Variants in ANXA13 observed in about 807,000 individuals in gnomAD.
ANXA13 encodes the protein annexin A13, also known as annexin XIII.
Under a neutral mutation model 46.6 loss-of-function variants are expected in ANXA13, and 36 were observed. The observed-to-expected ratio is 0.77, with a 90% CI of 0.59 to 1.02. The LOEUF (loss-of-function observed/expected upper bound fraction) is 1.02. Among genes scored for constraint, ANXA13 ranks in the 50% least tolerant of loss-of-function variants. The pLI is 0.00. For synonymous variants in ANXA13, 163 were observed against 152.9 expected, an observed-to-expected ratio of 1.07 and a Z score of -0.49; for missense variants, 417 against 396.5, an observed-to-expected ratio of 1.05 and a Z score of -0.44.
intron 1 of ANXA13, among the ~76,000 whole-genome samples, chr8:123,713,213 A>G (rs969137206): frequency 1.3e-5 from 2 of 152,222 alleles, no homozygotes; most frequent in African/African-American, 4.8e-5. Flanking sequence ...TTTGCCATCC[A>G]TACAATGAGA....
chr8:123,704,341 AG>A (rs1201950024), intron 2 of ANXA13, among the ~76,000 whole-genome samples: 4 of 152,122 alleles, frequency 2.6e-5, no homozygotes, highest in Non-Finnish European at 4.4e-5. Flanking sequence ...GGCACAATGC[AG>A]CACCTCTTCT....
chr8:123,697,787 C>T (rs1474643031), intron 4 of ANXA13, among the ~76,000 whole-genome samples: 1 of 152,200 alleles, frequency 6.6e-6, no homozygotes, highest in East Asian at 1.9e-4. Flanking sequence ...GTTCTCCTGG[C>T]TTCTGGAGCC....
chr8:123,712,508 C>T (rs1315712699), intron 2 of ANXA13, 170 bp downstream of exon 2: 4 of 629,442 alleles, frequency 6.4e-6, no homozygotes, highest in South Asian at 1.9e-5. Flanking sequence ...TAGGATCCTA[C>T]TGTAATTTTG....
rs1043353589 is a variant in ANXA13, at chr8:123,695,670, G to C, written c.391+18C>G. ...AAGAAACATACTTTATCCAAAGCCA[G>C]AATGAAAAGTCACTTACGCCTTTGG... On this transcript the variant is annotated intron_variant, in intron 5 of 10. Coordinates refer to ENST00000419625, the MANE Select transcript of ANXA13 (RefSeq NM_004306.4). The C allele has an allele frequency of 6.2e-7, 1 of 1,613,184 alleles. No individual in the cohort carries two copies. Among genetic ancestry groups the C allele is most frequent in the Non-Finnish European group, 8.5e-7 (1 of 1,179,282 alleles).
chr8:123,731,091 C>T (rs917179504), intron 1 of ANXA13, among the ~76,000 whole-genome samples: 4 of 152,184 alleles, frequency 2.6e-5, no homozygotes, highest in Admixed American at 1.3e-4. Flanking sequence ...ATCAGTTTCA[C>T]GTGGAAGGCT....
At chr8:123,695,304 T>C (rs78621248) in intron 6 of ANXA13, among the ~76,000 whole-genome samples, 198 bp downstream of exon 6, 8,299 of 152,226 alleles carry the variant, frequency 0.055, 592 homozygotes, top group African/African-American at 0.17. Context: ...ACTAGGCAGA[T>C]TGTTTATATG....
chr8:123,706,486 T>C (rs1813542662), intron 2 of ANXA13, among the ~76,000 whole-genome samples: 1 of 152,018 alleles, frequency 6.6e-6, no homozygotes, highest in South Asian at 2.1e-4. Context: ...GGCTGTCCCC[T>C]TTCCCTCACC....
chr8:123,704,879 CGACTTTCGCCCTTT>C (rs1563611770), intron 2 of ANXA13, among the ~76,000 whole-genome samples: 2 of 152,226 alleles, frequency 1.3e-5, no homozygotes. Context: ...CTTTCCCAGG[CGACTTTCGCCCTTT>C]GACTGATGAC....
chr8:123,696,412 G>A (rs112420524), intron 4 of ANXA13, among the ~76,000 whole-genome samples: 215 of 152,296 alleles, frequency 1.4e-3, no homozygotes, highest in African/African-American at 5.0e-3. Context: ...GACTGGCTGC[G>A]TGCAGGAGTG....
chr8:123,715,890 T>A (rs372888352), intron 1 of ANXA13, among the ~76,000 whole-genome samples: 1 of 152,114 alleles, frequency 6.6e-6, no homozygotes, highest in Non-Finnish European at 1.5e-5. Context: ...CATTCCATGA[T>A]ACAAATATCA....
rs558288974 is a variant in ANXA13, at chr8:123,699,076, C to T, written c.187-517G>A. Among the ~76,000 whole-genome samples the T allele has an allele frequency of 4.6e-4, 70 of 152,318 alleles. 1 individual carries two copies. Among genetic ancestry groups the T allele is most frequent in the African/African-American group, 1.4e-3 (57 of 41,558 alleles). On this transcript the variant is annotated intron_variant, in intron 3 of 10. Transcript: ENST00000419625. ...AAGAGGATTGTCATGGGAAGAACGA[C>T]GGCCTGTACCGTCACTTCCGTTATC...
At chr8:123,697,337 T>C (rs1323437719) in intron 4 of ANXA13, among the ~76,000 whole-genome samples, 3 of 152,172 alleles carry the variant, frequency 2.0e-5, no homozygotes, top group African/African-American at 7.2e-5. Context: ...GGAAGTTGTG[T>C]GCCTCTTGGC....
At chr8:123,717,847 G>A (rs1048967350) in intron 1 of ANXA13, among the ~76,000 whole-genome samples, 2 of 152,226 alleles carry the variant, frequency 1.3e-5, no homozygotes, top group African/African-American at 2.4e-5. Flanking sequence ...ACGTAACCAC[G>A]CCACGTGAGG....
intron 6 of ANXA13, 96 bp from the exon 7 acceptor site, chr8:123,693,875 T>A: frequency 9.5e-6 from 9 of 951,888 alleles, no homozygotes; most frequent in South Asian, 2.7e-5. Flanking sequence ...AAGAGGTGAA[T>A]TCTTTCTCAG....
chr8:123,713,905 G>T (rs925333559), intron 1 of ANXA13, among the ~76,000 whole-genome samples: 2 of 152,068 alleles, frequency 1.3e-5, no homozygotes, highest in African/African-American at 4.8e-5. Context: ...TGTTTCCCAG[G>T]CTGGTCTTGA....
chr8:123,735,777 C>G lies in ANXA13; in HGVS notation c.15+1543G>C, dbSNP rs202199207. ...TACAGGCTGTGGGGCCTCTGGCTCT[C>G]CATTCCGTGATGGGTGGCTGAGAGG... On this transcript the variant is annotated intron_variant, in intron 1 of 10. Coordinates refer to ENST00000419625, the MANE Select transcript of ANXA13 (RefSeq NM_004306.4). 132 of 1,611,946 alleles carry G rather than the reference C, an allele frequency of 8.2e-5. No homozygotes were observed. The highest frequency in any genetic ancestry group is 1.1e-4 in the Non-Finnish European group (125 of 1,179,006).
At chr8:123,731,747 G>A (rs796955344) in intron 1 of ANXA13, among the ~76,000 whole-genome samples, 5 of 152,198 alleles carry the variant, frequency 3.3e-5, no homozygotes, top group African/African-American at 9.6e-5. Context: ...TGTCATGCTC[G>A]CCTGTGGTCC....
At chr8:123,724,334 C>A (rs1292321998) in intron 1 of ANXA13, among the ~76,000 whole-genome samples, 2 of 152,144 alleles carry the variant, frequency 1.3e-5, no homozygotes, top group Non-Finnish European at 2.9e-5. Flanking sequence ...GATTAGTAGC[C>A]TTTCAACCCG....
rs147960887 is a variant in ANXA13, at chr8:123,690,270, G to T, written c.643-1324C>A. Among the ~76,000 whole-genome samples the T allele has an allele frequency of 1.8e-4, 27 of 152,284 alleles. No homozygotes were observed. The East Asian group carries it at 5.2e-3, about 29-fold the overall frequency. On this transcript the variant is annotated intron_variant, in intron 8 of 10. Coordinates refer to ENST00000419625, the MANE Select transcript of ANXA13 (RefSeq NM_004306.4). This position sits in a 1 kb window ranked among gnomAD's most constrained non-coding sequence, Gnocchi z 4.6. ...CATTAAACCGTTTTCCATTTCTATT[G>T]TTAATACCAGGCTAGAGCAGGGATT...
Sources: gnomAD v4.1 joint callset for allele counts (sites outside exome capture counted in the v4.1 genomes callset) on GRCh38, gnomAD v4.1.1 for gene constraint, Gnocchi (gnomAD v3.1) non-coding constraint, MANE v1.5 for transcripts, NCBI Gene and HGNC (gene_info 2026-07-23, HGNC 2026-07-21) for gene names.